KLF8: variants seen among roughly 807,000 people sequenced by gnomAD.
The protein encoded by KLF8 is Krueppel-like factor 8.
In KLF8, 10 loss-of-function variants were observed where a neutral mutation model predicts 18.2. That is an observed-to-expected ratio of 0.55 (90% confidence interval 0.34 to 0.93). The LOEUF is 0.93. Ranked by LOEUF, KLF8 falls within the 40% of genes least tolerant of loss-of-function variation. The pLI, the probability that KLF8 is intolerant of heterozygous loss-of-function variation, is 0.02. For synonymous variants in KLF8, 109 were observed against 97.3 expected (o/e 1.12, Z -0.71); for missense variants, 264 against 277.9 (o/e 0.95, Z 0.36).
At chrX:56,093,439 A>G in the KLF8 span, among the ~76,000 whole-genome samples, 8 of 111,190 alleles carry the variant, frequency 7.2e-5, no homozygotes, top group Non-Finnish European at 1.3e-4. Flanking sequence ...AAAATAACCT[A>G]GAATTATGTA....
the KLF8 span, among the ~76,000 whole-genome samples, chrX:56,089,421 T>G: frequency 8.9e-6 from 1 of 112,114 alleles, no homozygotes; most frequent in African/African-American, 3.2e-5. Context: ...ATAATTCAAG[T>G]CTGTGCACCC....
At chrX:55,947,321 G>C in the KLF8 span, among the ~76,000 whole-genome samples, 1 of 109,898 alleles carries the variant, frequency 9.1e-6, no homozygotes. Flanking sequence ...AAAATGATGA[G>C]TTCATGTCCT....
the KLF8 span, among the ~76,000 whole-genome samples, chrX:56,163,867 A>G: frequency 1.8e-5 from 2 of 111,825 alleles, no homozygotes; most frequent in African/African-American, 3.2e-5. Flanking sequence ...TTATTTACCC[A>G]TTGCCTGTTT....
At chrX:56,098,902 A>G in the KLF8 span, among the ~76,000 whole-genome samples, 3 of 112,434 alleles carry the variant, frequency 2.7e-5, no homozygotes, top group African/African-American at 9.7e-5. Context: ...TACAAAATCA[A>G]CATACAAAAA....
chrX:56,188,636 T>A, the KLF8 span, among the ~76,000 whole-genome samples: 47 of 111,977 alleles, frequency 4.2e-4, no homozygotes, highest in African/African-American at 1.1e-3. Flanking sequence ...AATGCTACAG[T>A]AACCAAAACA....
chrX:56,138,223 T>G, the KLF8 span, among the ~76,000 whole-genome samples: 2 of 110,662 alleles, frequency 1.8e-5, no homozygotes, highest in Admixed American at 1.9e-4. Context: ...TTGGGCCAGA[T>G]GAAATCACAC....
chrX:56,017,475 C>A, the KLF8 span, among the ~76,000 whole-genome samples: 2 of 112,103 alleles, frequency 1.8e-5, no homozygotes, highest in Admixed American at 1.9e-4. Flanking sequence ...AATAGTAGAA[C>A]GGGGAAGCGC....
chrX:56,172,515 T>C, the KLF8 span, among the ~76,000 whole-genome samples: 1 of 111,929 alleles, frequency 8.9e-6, no homozygotes, highest in African/African-American at 3.2e-5. Context: ...TTGTTAGACA[T>C]TTGGGTTGGT....
chrX:55,968,448 T>G, the KLF8 span, among the ~76,000 whole-genome samples: 9 of 112,393 alleles, frequency 8.0e-5, no homozygotes, highest in East Asian at 1.7e-3. Flanking sequence ...GGAGTAGTTA[T>G]ACCAGTGAAA....
the KLF8 span, among the ~76,000 whole-genome samples, chrX:56,162,549 G>T: frequency 9.0e-6 from 1 of 111,695 alleles, no homozygotes; most frequent in African/African-American, 3.3e-5. Context: ...AGGCTCTGTG[G>T]GCATGGGACC....
At chrX:56,201,932 C>A in the KLF8 span, among the ~76,000 whole-genome samples, 164 of 111,455 alleles carry the variant, frequency 1.5e-3, no homozygotes, top group Non-Finnish European at 2.1e-3. Flanking sequence ...CAGCATGGAG[C>A]CATGAAAACA....
the KLF8 span, among the ~76,000 whole-genome samples, chrX:55,939,201 A>G: frequency 2.7e-5 from 3 of 112,210 alleles, no homozygotes; most frequent in Admixed American, 9.4e-5. Context: ...CAATCAAACT[A>G]GAACTCAGGA....
At chrX:56,259,458 G>GT (rs772053498) in intron 2 of KLF8, among the ~76,000 whole-genome samples, 1 of 110,002 alleles carries the variant, frequency 9.1e-6, no homozygotes, top group Non-Finnish European at 1.9e-5. Flanking sequence ...TCCCCACACT[G>GT]TTTTTTCTAC....
At chrX:56,073,678 C>T in the KLF8 span, among the ~76,000 whole-genome samples, 1 of 110,557 alleles carries the variant, frequency 9.0e-6, no homozygotes, top group Non-Finnish European at 1.9e-5. Context: ...TTGATTAAAC[C>T]TAAGTTGGTG....
upstream of KLF8, among the ~76,000 whole-genome samples, chrX:56,227,560 G>A (rs1023652936): frequency 3.6e-5 from 4 of 110,887 alleles, no homozygotes; most frequent in African/African-American, 1.3e-4. Context: ...GGCCAGGCTG[G>A]TCTCGAACTC....
the KLF8 span, among the ~76,000 whole-genome samples, chrX:56,183,428 G>A: frequency 1.4e-4 from 16 of 111,651 alleles, no homozygotes; most frequent in East Asian, 1.1e-3. Context: ...CTGGTGAGGC[G>A]GTGCCCTGCC....
At chrX:56,162,119 G>T in the KLF8 span, among the ~76,000 whole-genome samples, 1 of 111,713 alleles carries the variant, frequency 9.0e-6, no homozygotes, top group African/African-American at 3.3e-5. Flanking sequence ...CTGCCTGAAC[G>T]TTCCTCTGGA....
chrX:56,255,763 T>C (rs1390771201), intron 2 of KLF8, among the ~76,000 whole-genome samples: 1 of 112,213 alleles, frequency 8.9e-6, no homozygotes, highest in Non-Finnish European at 1.9e-5. Context: ...AGGATCTTTC[T>C]AATATATTGT....
At chrX:56,079,637 T>G in the KLF8 span, among the ~76,000 whole-genome samples, 18 of 111,542 alleles carry the variant, frequency 1.6e-4, no homozygotes, top group Non-Finnish European at 2.8e-4. Flanking sequence ...TGGTGGAGAG[T>G]TCTGTAGATG....
Sources: gnomAD v4.1 joint callset for allele counts (sites outside exome capture counted in the v4.1 genomes callset) on GRCh38, gnomAD v4.1.1 for gene constraint, MANE v1.5 for transcripts, NCBI Gene and HGNC (gene_info 2026-07-23, HGNC 2026-07-21) for gene names.